RPS6KA2: variants seen among roughly 807,000 people sequenced by gnomAD.
The protein encoded by RPS6KA2 is ribosomal protein S6 kinase A2.
In RPS6KA2, 42 loss-of-function variants were observed where a neutral mutation model predicts 91.8. The observed-to-expected ratio is 0.46, with a 90% CI of 0.36 to 0.59. The LOEUF (loss-of-function observed/expected upper bound fraction) is 0.59. RPS6KA2 is among the 20% of genes least tolerant of loss of function. The pLI, the probability that RPS6KA2 is intolerant of heterozygous loss-of-function variation, is 0.00. For synonymous variants in RPS6KA2, 414 were observed against 393.6 expected (o/e 1.05, Z -0.61); for missense variants, 798 against 978.5 (o/e 0.82, Z 2.46).
At chr6:166,534,926 G>A (rs1783432408) in intron 2 of RPS6KA2, among the ~76,000 whole-genome samples, 1 of 152,158 alleles carries the variant, frequency 6.6e-6, no homozygotes, top group Non-Finnish European at 1.5e-5. Context: ...AATGATTTTG[G>A]TAACGAGTGT....
chr6:166,857,387 G>A (rs1780933926), intron 2 of RPS6KA2, among the ~76,000 whole-genome samples: 1 of 152,168 alleles, frequency 6.6e-6, no homozygotes, highest in East Asian at 1.9e-4. Context: ...TACCAGTGGT[G>A]GAAGTGTGGC....
intron 3 of RPS6KA2, among the ~76,000 whole-genome samples, chr6:166,529,555 G>A (rs1200606332): frequency 2.6e-5 from 4 of 151,982 alleles, no homozygotes; most frequent in Non-Finnish European, 4.4e-5. Context: ...GTGTACCCTA[G>A]CACTTAAAGC....
At chr6:166,559,831 A>G (rs1311588617) in intron 1 of RPS6KA2, among the ~76,000 whole-genome samples, 1 of 152,256 alleles carries the variant, frequency 6.6e-6, no homozygotes, top group Non-Finnish European at 1.5e-5. Context: ...ATATTACAAG[A>G]AAGTCAAGTT....
Position 166,824,895 on chromosome 6 carries a change from G to A in RPS6KA2, c.123+33305C>T, listed in dbSNP as rs576091351. On this transcript the variant is annotated intron_variant, in intron 2 of 21. Transcript: ENST00000503859. Reference sequence around the variant, plus strand: ...TGTGTATGTCTGTATGTATGTCTGTGTGTATGTGTGTCTGAACTTTGTGAA... The same window carrying A: ...TGTGTATGTCTGTATGTATGTCTGTATGTATGTGTGTCTGAACTTTGTGAA... Among the ~76,000 whole-genome samples, 31 of 152,208 alleles carry A rather than the reference G, an allele frequency of 2.0e-4. No homozygotes were observed. The South Asian group carries it at 4.6e-3, about 22-fold the overall frequency.
chr6:166,657,872 TGGGA>T (rs1788047448), intron 2 of RPS6KA2, among the ~76,000 whole-genome samples: 1 of 152,214 alleles, frequency 6.6e-6, no homozygotes, highest in Admixed American at 6.5e-5. Flanking sequence ...AAAACCTGGC[TGGGA>T]GGAATTCACT....
chr6:166,448,576 C>A lies in RPS6KA2; in HGVS notation c.1332+148G>T, dbSNP rs1032893636. 5.1e-6 allele frequency: 5 copies of A among 983,538 alleles called. No individual in the cohort carries two copies. The highest frequency in any genetic ancestry group is 1.5e-6 in the Non-Finnish European group (1 of 681,500). 60.9% of individuals were successfully genotyped at this position (983,538 alleles called of 1,614,324 possible). A position where few individuals can be genotyped will look rare whatever the true frequency, so the allele number is the denominator to read the frequency against. ...AGCACATATGCTGTGCTCCTATGCT[C>A]CGTGCTCCCATGTGCTGTACATGCT... is the stretch of plus-strand genomic sequence containing the variant. On this transcript the variant is annotated intron_variant, in intron 14 of 20. Coordinates refer to ENST00000265678, the MANE Select transcript of RPS6KA2 (RefSeq NM_021135.6). This position sits in a 1 kb window ranked among gnomAD's most constrained non-coding sequence, Gnocchi z 4.7.
intron 9 of RPS6KA2, among the ~76,000 whole-genome samples, chr6:166,489,282 CTA>C (rs1390070853): frequency 6.6e-6 from 1 of 152,182 alleles, no homozygotes; most frequent in Non-Finnish European, 1.5e-5. Context: ...TGGAAATTAT[CTA>C]TGTTTTCTCA....
At chr6:166,420,966 C>T (rs532631344) in intron 17 of RPS6KA2, among the ~76,000 whole-genome samples, 7 of 152,142 alleles carry the variant, frequency 4.6e-5, no homozygotes, top group South Asian at 2.1e-4. Flanking sequence ...CGGGAGAGCT[C>T]GGCTCAATTT....
At chr6:166,546,828 T>C (rs144644797) in intron 1 of RPS6KA2, among the ~76,000 whole-genome samples, 2 of 152,338 alleles carry the variant, frequency 1.3e-5, no homozygotes, top group Non-Finnish European at 2.9e-5. Context: ...GGCTGCGATG[T>C]TTCCATTAAG....
intron 2 of RPS6KA2, among the ~76,000 whole-genome samples, chr6:166,827,225 A>G (rs1207189266): frequency 6.8e-6 from 1 of 147,560 alleles, no homozygotes. Flanking sequence ...CAAAAACCAC[A>G]ACCTTGCACA....
rs1047314553 is a variant in RPS6KA2 at position 166,770,665 on chromosome 6, T to C, written c.123+87535A>G. Among the ~76,000 whole-genome samples, 1 of 152,136 alleles carries C rather than the reference T, an allele frequency of 6.6e-6. No individual in the cohort carries two copies. Among genetic ancestry groups the C allele is most frequent in the Non-Finnish European group, 1.5e-5 (1 of 68,016 alleles). ...ACATTACTGCACAAAGCACTCGGAT[T>C]CCCCACAGGATGCCAAAAAATTCAC... On this transcript the variant is annotated intron_variant, in intron 2 of 21. Transcript: ENST00000503859. The surrounding 1 kb of genome is among the most constrained non-coding windows in gnomAD (Gnocchi z 5.1).
intron 2 of RPS6KA2, among the ~76,000 whole-genome samples, chr6:166,723,758 T>C (rs1790252462): frequency 6.7e-6 from 1 of 148,528 alleles, no homozygotes; most frequent in South Asian, 2.1e-4. Context: ...TGGAGTGCAA[T>C]GGCGCGATCT....
chr6:166,678,866 A>G (rs959208159), intron 2 of RPS6KA2, among the ~76,000 whole-genome samples: 1 of 152,256 alleles, frequency 6.6e-6, no homozygotes, highest in Non-Finnish European at 1.5e-5. Flanking sequence ...TTTTGACCAC[A>G]GATGAATTTC....
chr6:166,685,535 A>G (rs1249837828), intron 2 of RPS6KA2, among the ~76,000 whole-genome samples: 1 of 152,192 alleles, frequency 6.6e-6, no homozygotes, highest in African/African-American at 2.4e-5. Context: ...TGATGGATTC[A>G]TAGCCATGCA....
intron 12 of RPS6KA2, among the ~76,000 whole-genome samples, chr6:166,456,470 G>A (rs1780110278): frequency 6.6e-6 from 1 of 152,210 alleles, no homozygotes; most frequent in Admixed American, 6.5e-5. Context: ...TGTGGAGTCT[G>A]CCTGATCGGT....
At chr6:166,569,864 T>A (rs1784631641) in intron 1 of RPS6KA2, among the ~76,000 whole-genome samples, 1 of 152,258 alleles carries the variant, frequency 6.6e-6, no homozygotes, top group South Asian at 2.1e-4. Context: ...CCTTCAGGAC[T>A]GCTGGCCAGC....
chr6:166,476,444 G>A lies in RPS6KA2; in HGVS notation c.908-6539C>T, dbSNP rs1022321236. On this transcript the variant is annotated intron_variant, in intron 10 of 20. Transcript: ENST00000265678. ...CTGTGGTCCGCTGGGCATTAGAGAC[G>A]TGTGTTTTTATCCGTGTTTCTCGCT... Among the ~76,000 whole-genome samples the A allele has an allele frequency of 8.5e-5, 13 of 152,202 alleles. No homozygotes were observed. In the East Asian group the frequency reaches 1.3e-3, roughly 16 times the overall value.
intron 10 of RPS6KA2, among the ~76,000 whole-genome samples, chr6:166,485,208 G>T (rs1398779267): frequency 6.6e-6 from 1 of 152,228 alleles, no homozygotes; most frequent in Non-Finnish European, 1.5e-5. Flanking sequence ...TGCAACCTAG[G>T]GTCACGGAAA....
At chr6:166,752,265 A>G (rs1269948161) in intron 2 of RPS6KA2, among the ~76,000 whole-genome samples, 1 of 152,266 alleles carries the variant, frequency 6.6e-6, no homozygotes, top group African/African-American at 2.4e-5. Flanking sequence ...CATCACACAG[A>G]GTGAACAGCC....
Sources: allele counts gnomAD v4.1 joint callset (sites outside exome capture counted in the v4.1 genomes callset), GRCh38; gene constraint gnomAD v4.1.1; non-coding constraint Gnocchi (gnomAD v3.1); transcripts MANE v1.5; gene names NCBI Gene and HGNC (gene_info 2026-07-23, HGNC 2026-07-21).